RP1: variants seen among roughly 807,000 people sequenced by gnomAD.
RP1 encodes RP1 axonemal microtubule associated.
Under a neutral mutation model 14.8 loss-of-function variants are expected in RP1, and 16 were observed. The observed-to-expected ratio is 1.08, with a 90% CI of 0.73 to 1.65. The LOEUF is 1.65. Ranked by LOEUF, RP1 falls within the 40% of genes most tolerant of loss-of-function variation. RP1 has a pLI of 0.00. For synonymous variants in RP1, 876 were observed against 883.6 expected, an observed-to-expected ratio of 0.99 and a Z score of 0.15; for missense variants, 2,631 against 2,535.0, an observed-to-expected ratio of 1.04 and a Z score of -0.81.
intron 22 of RP1, among the ~76,000 whole-genome samples, chr8:54,761,421 G>A (rs1171597853): frequency 2.6e-5 from 4 of 151,654 alleles, no homozygotes; most frequent in African/African-American, 9.7e-5. Context: ...ATTTTTAGTT[G>A]AGACAGGGTT....
chr8:54,635,434 G>T (rs1247745246), downstream of RP1, among the ~76,000 whole-genome samples: 2 of 152,144 alleles, frequency 1.3e-5, no homozygotes, highest in African/African-American at 4.8e-5. Flanking sequence ...GTAGGTTCAT[G>T]GGAAAACATG....
intron 16 of RP1, among the ~76,000 whole-genome samples, chr8:54,722,274 T>TG (rs564438127): frequency 0.27 from 39,430 of 143,700 alleles, 5,705 homozygotes; most frequent in East Asian, 0.45. Context: ...GTTTTTTTTT[T>TG]TGTGTGTGTG....
intron 1 of RP1, among the ~76,000 whole-genome samples, chr8:54,618,564 A>T (rs1284050007): frequency 6.6e-6 from 1 of 152,210 alleles, no homozygotes; most frequent in East Asian, 1.9e-4. Flanking sequence ...TGTGTCTCAA[A>T]TATTATTCAT....
intron 1 of RP1, among the ~76,000 whole-genome samples, chr8:54,596,800 AC>A (rs1805158778): frequency 6.6e-6 from 1 of 152,224 alleles, no homozygotes; most frequent in African/African-American, 2.4e-5. Flanking sequence ...TAAATAAATT[AC>A]CCATCTCCTT....
intron 12 of RP1, among the ~76,000 whole-genome samples, chr8:54,693,862 A>G (rs1426636390): frequency 6.6e-6 from 1 of 152,118 alleles, no homozygotes; most frequent in Non-Finnish European, 1.5e-5. Flanking sequence ...TATGTTGAAT[A>G]GGAGTGGTGA....
intron 7 of RP1, among the ~76,000 whole-genome samples, chr8:54,668,923 C>A (rs1043680658): frequency 3.3e-5 from 5 of 152,130 alleles, no homozygotes; most frequent in African/African-American, 9.7e-5. Flanking sequence ...ACCATAAAAA[C>A]TCTAGAAGAA....
In RP1 at chr8:54,710,296, A is replaced by C. The variant is rs553881204; in HGVS notation, c.2211+3641A>C. Among the ~76,000 whole-genome samples, 9 of 152,334 alleles carry C rather than the reference A, an allele frequency of 5.9e-5. No homozygotes were observed. In the East Asian group the frequency reaches 1.7e-3, roughly 29 times the overall value. ...ACAAGTGCAGGCACTGGAGCAAGTGAGTGCAAAAACTGGCCAGCTGCTTTA... is the reference window on the plus strand; with the variant it reads ...ACAAGTGCAGGCACTGGAGCAAGTGCGTGCAAAAACTGGCCAGCTGCTTTA... On this transcript the variant is annotated intron_variant, in intron 15 of 22. Coordinates refer to the RP1 transcript ENST00000636932.
At chr8:54,858,642 G>T (rs1407559754) in intron 27 of RP1, among the ~76,000 whole-genome samples, 1 of 151,956 alleles carries the variant, frequency 6.6e-6, no homozygotes, top group Non-Finnish European at 1.5e-5. Context: ...CTGTAGAGTT[G>T]CATTTCTGTA....
chr8:54,859,153 T>C (rs1812278525), intron 27 of RP1, among the ~76,000 whole-genome samples: 1 of 151,798 alleles, frequency 6.6e-6, no homozygotes, highest in Non-Finnish European at 1.5e-5. Flanking sequence ...TGTGGAGTGT[T>C]GTCAGTGTGG....
intron 26 of RP1, among the ~76,000 whole-genome samples, chr8:54,854,672 C>G (rs561805586): frequency 6.6e-6 from 1 of 152,094 alleles, no homozygotes; most frequent in Non-Finnish European, 1.5e-5. Flanking sequence ...CGAGACCAGC[C>G]TGGCCAACAT....
rs148213594 is a variant in RP1, at chr8:54,629,315, C to G, written c.5433C>G (p.Pro1811=). 40 of 1,613,844 alleles carry G rather than the reference C, an allele frequency of 2.5e-5. No homozygotes were observed. The African/African-American group carries it at 4.7e-4, about 19-fold the overall frequency. ...SSSELEELTQ[P]LELKCNYFNM... Reference sequence around the variant, plus strand: ...CAGAACTCGAGGAACTGACTCAACCCCTTGAACTAAAATGCAATTACTTTA... The same window carrying G: ...CAGAACTCGAGGAACTGACTCAACCGCTTGAACTAAAATGCAATTACTTTA... The change falls in exon 4 of 4, where the codon CCC becomes CCG. Residue 1811 remains proline (P), a synonymous_variant. Coordinates refer to ENST00000220676, the MANE Select transcript of RP1 (RefSeq NM_006269.2).
intron 24 of RP1, among the ~76,000 whole-genome samples, chr8:54,806,329 A>T (rs972486355): frequency 1.3e-5 from 2 of 151,378 alleles, no homozygotes; most frequent in Non-Finnish European, 2.9e-5. Flanking sequence ...GTTTTTTTTT[A>T]ACCTCAGCAT....
intron 1 of RP1, among the ~76,000 whole-genome samples, chr8:54,598,563 C>A (rs971947632): frequency 6.6e-6 from 1 of 151,974 alleles, no homozygotes; most frequent in Non-Finnish European, 1.5e-5. Flanking sequence ...TTCTGTTGTC[C>A]TTTTTTCTTT....
At chr8:54,681,492 GTGT>G in intron 12 of RP1, among the ~76,000 whole-genome samples, 1 of 150,398 alleles carries the variant, frequency 6.6e-6, no homozygotes, top group South Asian at 2.1e-4. Flanking sequence ...TTGTGTGTGT[GTGT>G]GTGTGTGTGT....
intron 9 of RP1, among the ~76,000 whole-genome samples, chr8:54,678,900 T>C (rs1035643125): frequency 2.0e-5 from 3 of 152,158 alleles, no homozygotes; most frequent in Admixed American, 6.6e-5. Context: ...CATGTAGCTT[T>C]TTATACAGAG....
At chr8:54,576,649 C>G (rs150219054) in intron 1 of RP1, among the ~76,000 whole-genome samples, 2 of 152,252 alleles carry the variant, frequency 1.3e-5, no homozygotes, top group African/African-American at 4.8e-5. Flanking sequence ...TATCCTTATT[C>G]TAGACATGTA....
rs565170444 is a variant in RP1, at chr8:54,788,615, A to G, written c.3615+4905A>G. 6.6e-5 allele frequency among the ~76,000 whole-genome samples: 10 copies of G among 152,318 alleles called. No individual in the cohort carries two copies. The South Asian group carries it at 1.9e-3, about 28-fold the overall frequency. On this transcript the variant is annotated intron_variant, in intron 24 of 28. Transcript: ENST00000637698. Reference sequence around the variant, plus strand: ...CTGTGGATGGCAGATCCTAGGGACAATTTAACTTAAACTTTTTCGTTAGTT... The same window carrying G: ...CTGTGGATGGCAGATCCTAGGGACAGTTTAACTTAAACTTTTTCGTTAGTT...
chr8:54,738,156 TA>T (rs1354864117), intron 18 of RP1, among the ~76,000 whole-genome samples: 2 of 152,242 alleles, frequency 1.3e-5, no homozygotes, highest in Non-Finnish European at 2.9e-5. Flanking sequence ...ATTGTTTTAA[TA>T]TACATTTATT....
In RP1 at chr8:54,693,262, G is replaced by A. The variant is rs548946307; in HGVS notation, c.1718-6205G>A. Among the ~76,000 whole-genome samples the A allele has an allele frequency of 7.2e-5, 11 of 152,188 alleles. No homozygotes were observed. In the East Asian group the frequency reaches 2.1e-3, roughly 29 times the overall value. ...GAAGTCAGGTAGTGTGATGCCTCCA[G>A]CTTTGTTCTTTTGGCTTAGGATTGA... On this transcript the variant is annotated intron_variant, in intron 12 of 22. Transcript: ENST00000636932.
Sources: gnomAD v4.1 joint callset for allele counts (sites outside exome capture counted in the v4.1 genomes callset) on GRCh38, gnomAD v4.1.1 for gene constraint, MANE v1.5 for transcripts, NCBI Gene and HGNC (gene_info 2026-07-23, HGNC 2026-07-21) for gene names.